The following COQ8B variants were observed in gnomAD, a reference collection of about 807,000 sequenced individuals.
COQ8B encodes the protein atypical kinase COQ8B, mitochondrial.
COQ8B carries 44 observed loss-of-function variants against 62.0 expected under a neutral mutation model. The observed-to-expected ratio is 0.71, with a 90% CI of 0.56 to 0.91. COQ8B has a LOEUF of 0.91. Ranked by LOEUF, COQ8B falls within the 40% of genes least tolerant of loss-of-function variation. The pLI, the probability that COQ8B is intolerant of heterozygous loss-of-function variation, is 0.00. For missense variants in COQ8B, 649 were observed against 731.6 expected, an observed-to-expected ratio of 0.89 and a Z score of 1.30; for synonymous variants, 252 against 289.9, an observed-to-expected ratio of 0.87 and a Z score of 1.33.
rs868414197 is a variant in COQ8B, at chr19:40,695,977, G to A, written c.1209+12C>T. On this transcript the variant is annotated intron_variant, in intron 13 of 14. Coordinates refer to ENST00000324464, the MANE Select transcript of COQ8B (RefSeq NM_024876.4). The stretch of plus-strand genomic sequence containing the variant: ...AGCCTTTCAGAGGCCCTGGGGTCTG[G>A]GGGAGACTCACCTCGATGTAATGGT... 6.2e-7 allele frequency: 1 copy of A among 1,614,064 alleles called. No individual in the cohort carries two copies. Among genetic ancestry groups the A allele is most frequent in the African/African-American group, 1.3e-5 (1 of 75,020 alleles).
chr19:40,714,361 G>C lies in COQ8B; in HGVS notation c.139C>G (p.Gln47Glu), dbSNP rs1181649872. 1 of 1,614,098 alleles carries C rather than the reference G, an allele frequency of 6.2e-7. No individual in the cohort carries two copies. The highest frequency in any genetic ancestry group is 1.7e-5 in the Admixed American group (1 of 60,014). Residue 47 changes from glutamine to glutamate, a missense_variant, in exon 3 of 15, where the codon CAG becomes GAG. Coordinates refer to ENST00000324464, the MANE Select transcript of COQ8B (RefSeq NM_024876.4). Reference sequence around the variant, plus strand: ...CCCAGGCCTCTCCCAGGCCCATCCTGGTAAAACTTTTGGGCCCAAGAACCT... The same window carrying C: ...CCCAGGCCTCTCCCAGGCCCATCCTCGTAAAACTTTTGGGCCCAAGAACCT... Reference protein sequence around the residue: ...CGGSWAQKFYQDGPGRGLGEE... With the variant: ...CGGSWAQKFYEDGPGRGLGEE...
chr19:40,700,003 G>T, intron 12 of COQ8B, 64 bp downstream of exon 12: 1 of 1,486,810 alleles, frequency 6.7e-7, no homozygotes, highest in Non-Finnish European at 9.4e-7. Context: ...TTGAGCTACC[G>T]AAATATCAAG....
At chr19:40,702,557 C>T in intron 10 of COQ8B, 43 bp downstream of exon 10, 1 of 1,602,016 alleles carries the variant, frequency 6.2e-7, no homozygotes, top group Non-Finnish European at 8.5e-7. Context: ...CCCACCCAGC[C>T]TGGGAGGGAG....
chr19:40,695,344 A>G (rs2082006591), intron 13 of COQ8B, among the ~76,000 whole-genome samples: 1 of 152,022 alleles, frequency 6.6e-6, no homozygotes, highest in Non-Finnish European at 1.5e-5. Context: ...AAGAAAAGAA[A>G]AAAAAGGAAA....
chr19:40,693,918 G>C (rs2081993719), intron 13 of COQ8B, among the ~76,000 whole-genome samples: 1 of 152,128 alleles, frequency 6.6e-6, no homozygotes, highest in African/African-American at 2.4e-5. Flanking sequence ...GTGAGGAGGG[G>C]GATTCGGGAT....
rs1369709169 is a variant in COQ8B at position 40,702,497 on chromosome 19, T to C, written c.893+103A>G. The C allele has an allele frequency of 1.1e-5, 11 of 1,036,764 alleles. No individual in the cohort carries two copies. In the South Asian group the frequency reaches 1.3e-4, roughly 12 times the overall value. 64.2% of individuals were successfully genotyped at this position (1,036,764 alleles called of 1,614,324 possible). A position where few individuals can be genotyped will look rare whatever the true frequency, so the allele number is the denominator to read the frequency against. On this transcript the variant is annotated intron_variant, in intron 10 of 14. Transcript: ENST00000324464. Reference sequence around the variant, plus strand: ...ACAATGATTGAAAGAAAGAGAGAGTTTGCCCTACCCCACAGCTCCAGCTGC... The same window carrying C: ...ACAATGATTGAAAGAAAGAGAGAGTCTGCCCTACCCCACAGCTCCAGCTGC...
In COQ8B at chr19:40,694,558, G is replaced by A. The variant is rs545774794; in HGVS notation, c.1209+1431C>T. 5.5e-4 allele frequency among the ~76,000 whole-genome samples: 84 copies of A among 152,206 alleles called. 1 individual carries two copies. Among genetic ancestry groups the A allele is most frequent in the African/African-American group, 1.9e-3 (78 of 41,538 alleles). ...ACTACTACCAGTGTGGTCCCCATAC[G>A]GGTAGCCCTGGCCTCACATGGGTGC... On this transcript the variant is annotated intron_variant, in intron 13 of 14. Coordinates refer to ENST00000324464, the MANE Select transcript of COQ8B (RefSeq NM_024876.4).
At chr19:40,692,871 G>T in intron 14 of COQ8B, 80 bp downstream of exon 14, 1 of 1,280,400 alleles carries the variant, frequency 7.8e-7, no homozygotes, top group Non-Finnish European at 1.1e-6. Context: ...ACCTACTCGA[G>T]TTCCTCAGTG....
At position 40,700,162 on chromosome 19, in the gene COQ8B, G is replaced by A. The variant is rs770154433; in HGVS notation, c.1048C>T (p.Leu350Phe). 1 of 1,614,260 alleles carries A rather than the reference G, an allele frequency of 6.2e-7. No homozygotes were observed. The highest frequency in any genetic ancestry group is 8.5e-7 in the Non-Finnish European group (1 of 1,180,046). The change falls in exon 12 of 15, where the codon CTC (leucine) becomes TTC (phenylalanine). Residue 350 changes from leucine to phenylalanine, a missense_variant. Coordinates refer to ENST00000324464, the MANE Select transcript of COQ8B (RefSeq NM_024876.4). ...AGCTCCCGCAGACACAGCGTCAGGAGCTGGAAGCAAATCTGGGGTGGGGAG... is the reference window on the plus strand; with the variant it reads ...AGCTCCCGCAGACACAGCGTCAGGAACTGGAAGCAAATCTGGGGTGGGGAG... ...QDLRNQICFQ[L>F]LTLCLRELFE...
chr19:40,698,770 A>G (rs1017389380), intron 12 of COQ8B, among the ~76,000 whole-genome samples: 1 of 152,132 alleles, frequency 6.6e-6, no homozygotes, highest in African/African-American at 2.4e-5. Flanking sequence ...TGTAGGAGGG[A>G]TATCTTGACC....
rs1363697249 is a variant in COQ8B, at chr19:40,691,788, ATAAGT to A, written c.*242_*246del. 9.8e-6 allele frequency: 4 copies of A among 406,228 alleles called. No individual in the cohort carries two copies. Among genetic ancestry groups the A allele is most frequent in the East Asian group, 3.7e-5 (1 of 27,160 alleles). The allele number at this position is 406,228 out of a possible 1,614,324, so 25.2% of individuals were successfully genotyped here. Reference sequence around the variant, plus strand: ...AAGGCTCCCTCAAATGTTGGCAAAGATAAGTTAACCGCTTCCCTGGCTTAGTTTTC... The same window carrying A: ...AAGGCTCCCTCAAATGTTGGCAAAGATAACCGCTTCCCTGGCTTAGTTTTC... On this transcript the variant is annotated 3_prime_UTR_variant, in exon 15 of 15. Coordinates refer to ENST00000324464, the MANE Select transcript of COQ8B (RefSeq NM_024876.4).
chr19:40,711,027 A>G (rs2082137049), intron 4 of COQ8B, among the ~76,000 whole-genome samples: 1 of 151,418 alleles, frequency 6.6e-6, no homozygotes, highest in Non-Finnish European at 1.5e-5. Flanking sequence ...GCTACTCAAG[A>G]GGCTGAGGCA....
chr19:40,710,243 TTTTA>T (rs2144711892), intron 4 of COQ8B, 107 bp from the exon 5 acceptor site: 4 of 1,065,182 alleles, frequency 3.8e-6, no homozygotes, highest in Non-Finnish European at 5.7e-6. Context: ...TCCCAACTCT[TTTTA>T]TTTTTTCTTT....
At chr19:40,713,797 T>C (rs536764450) in intron 4 of COQ8B, among the ~76,000 whole-genome samples, 1 of 148,252 alleles carries the variant, frequency 6.7e-6, no homozygotes, top group South Asian at 2.1e-4. Flanking sequence ...GGCGAGAGAA[T>C]TGCTTGAGCC....
rs753758349 is a variant in COQ8B, at chr19:40,714,511, C to T, written c.102+20G>A. On this transcript the variant is annotated intron_variant, in intron 2 of 14. Coordinates refer to ENST00000324464, the MANE Select transcript of COQ8B (RefSeq NM_024876.4). Reference sequence around the variant, plus strand: ...TCCCTCAGCCTCTTCCCCTTGGGGACCTGCTCCCTAGCCTCTTACCCAGCG... The same window carrying T: ...TCCCTCAGCCTCTTCCCCTTGGGGATCTGCTCCCTAGCCTCTTACCCAGCG... The T allele has an allele frequency of 5.6e-6, 9 of 1,613,404 alleles. No individual in the cohort carries two copies. The South Asian group carries it at 9.9e-5, about 18-fold the overall frequency.
intron 5 of COQ8B, among the ~76,000 whole-genome samples, chr19:40,707,836 T>C (rs79570825): frequency 0.041 from 6,179 of 152,266 alleles, 162 homozygotes; most frequent in African/African-American, 0.066. Flanking sequence ...AATATTCCAT[T>C]GTATGCCTAT....
At chr19:40,693,600 C>CCCAGCTGGGG (rs2081990543) in intron 13 of COQ8B, among the ~76,000 whole-genome samples, 1 of 152,112 alleles carries the variant, frequency 6.6e-6, no homozygotes, top group South Asian at 2.1e-4. Flanking sequence ...TGGAGAGATG[C>CCCAGCTGGGG]CCAGCTGGGG....
At chr19:40,702,544 C>G (rs1249850618) in intron 10 of COQ8B, 56 bp downstream of exon 10, 1 of 1,573,320 alleles carries the variant, frequency 6.4e-7, no homozygotes, top group East Asian at 2.2e-5. Flanking sequence ...GGGGCAGCTA[C>G]TTCCCACCCA....
In COQ8B at chr19:40,691,986, T is replaced by G; in HGVS notation, c.*49A>C. The G allele has an allele frequency of 6.7e-7, 1 of 1,498,958 alleles. No homozygotes were observed. Among genetic ancestry groups the G allele is most frequent in the East Asian group, 2.4e-5 (1 of 40,952 alleles). 92.9% of individuals were successfully genotyped at this position (1,498,958 alleles called of 1,614,324 possible). ...CAGACGGGGAAGGGATAAGAGGCAC[T>G]ACAGCAGGGTACGGCCTGCTCTGGG... On this transcript the variant is annotated 3_prime_UTR_variant, in exon 15 of 15. Transcript: ENST00000324464.
Sources: gnomAD v4.1 joint callset for allele counts (sites outside exome capture counted in the v4.1 genomes callset) on GRCh38, gnomAD v4.1.1 for gene constraint, MANE v1.5 for transcripts, NCBI Gene and HGNC (gene_info 2026-07-23, HGNC 2026-07-21) for gene names.